The following CNTN5 variants were observed in gnomAD, a reference collection of about 807,000 sequenced individuals.
CNTN5 encodes contactin-5.
In CNTN5, 77 loss-of-function variants were observed where a neutral mutation model predicts 129.1. The ratio of observed to expected loss-of-function variants is 0.60; its 90% CI spans 0.50 to 0.72. The LOEUF (loss-of-function observed/expected upper bound fraction) is 0.72. CNTN5 is among the 30% of genes least tolerant of loss of function. The pLI, the probability that CNTN5 is intolerant of heterozygous loss-of-function variation, is 0.00. For synonymous variants in CNTN5, 509 were observed against 465.6 expected (o/e 1.09, Z -1.20); for missense variants, 1,478 against 1,328.8 (o/e 1.11, Z -1.75).
At chr11:99,796,841 C>T (rs939397116) in intron 3 of CNTN5, among the ~76,000 whole-genome samples, 7 of 152,052 alleles carry the variant, frequency 4.6e-5, no homozygotes, top group Non-Finnish European at 8.8e-5. Flanking sequence ...TTTTTTTCCC[C>T]TACTACATCT....
intron 23 of CNTN5, among the ~76,000 whole-genome samples, chr11:100,346,735 C>T (rs1340669238): frequency 6.6e-6 from 1 of 152,062 alleles, no homozygotes; most frequent in Non-Finnish European, 1.5e-5. Context: ...GGAAATCAGG[C>T]CCAAAGTTTA....
chr11:99,910,513 T>G (rs1949630793), intron 6 of CNTN5, among the ~76,000 whole-genome samples: 1 of 152,138 alleles, frequency 6.6e-6, no homozygotes, highest in South Asian at 2.1e-4. Context: ...TATTGAAGAT[T>G]ATTTTAAAAT....
At chr11:100,158,149 T>C (rs1310780293) in intron 13 of CNTN5, among the ~76,000 whole-genome samples, 1 of 151,772 alleles carries the variant, frequency 6.6e-6, no homozygotes, top group Non-Finnish European at 1.5e-5. Flanking sequence ...AAGAGAAAGA[T>C]GAGTTGTTTG....
chr11:99,237,871 G>A (rs967565322), intron 1 of CNTN5, among the ~76,000 whole-genome samples: 2 of 151,880 alleles, frequency 1.3e-5, no homozygotes, highest in African/African-American at 2.4e-5. Context: ...CTCATTATTG[G>A]TTACTATCTA....
chr11:99,535,083 C>T (rs1047162796), intron 2 of CNTN5, among the ~76,000 whole-genome samples: 1 of 152,086 alleles, frequency 6.6e-6, no homozygotes, highest in African/African-American at 2.4e-5. Context: ...ATAGTCTGCA[C>T]TAATGCTGAA....
intron 11 of CNTN5, among the ~76,000 whole-genome samples, chr11:100,071,050 T>C (rs1180303066): frequency 6.6e-6 from 1 of 152,154 alleles, no homozygotes; most frequent in African/African-American, 2.4e-5. Context: ...TTTAACAACA[T>C]TTAAAATTTA....
At chr11:99,845,368 T>TC in intron 6 of CNTN5, 106 bp downstream of exon 6, 1 of 337,030 alleles carries the variant, frequency 3.0e-6, no homozygotes, top group Non-Finnish European at 4.4e-6. Context: ...TCTCAAATCT[T>TC]TTTTTTTTTT....
At chr11:100,087,546 T>C (rs1211058218) in intron 13 of CNTN5, among the ~76,000 whole-genome samples, 7 of 151,814 alleles carry the variant, frequency 4.6e-5, no homozygotes, top group African/African-American at 1.7e-4. Flanking sequence ...GATGACATTA[T>C]ATAATGATAA....
At chr11:100,262,818 T>C (rs569760769) in intron 17 of CNTN5, among the ~76,000 whole-genome samples, 1 of 152,008 alleles carries the variant, frequency 6.6e-6, no homozygotes, top group Admixed American at 6.6e-5. Flanking sequence ...AGGAATAGCA[T>C]TAGGAGAAAT....
chr11:99,410,950 T>G (rs1001716235), intron 2 of CNTN5, among the ~76,000 whole-genome samples: 1 of 152,176 alleles, frequency 6.6e-6, no homozygotes, highest in African/African-American at 2.4e-5. Context: ...TATACAGTAA[T>G]AGAAAGCAAG....
intron 3 of CNTN5, among the ~76,000 whole-genome samples, chr11:99,648,959 G>A (rs1406747551): frequency 6.6e-6 from 1 of 151,724 alleles, no homozygotes; most frequent in Non-Finnish European, 1.5e-5. Flanking sequence ...CACAACTACA[G>A]CTAGATTGGA....
At chr11:99,995,780 A>T (rs532234386) in intron 8 of CNTN5, among the ~76,000 whole-genome samples, 1 of 152,224 alleles carries the variant, frequency 6.6e-6, no homozygotes, top group East Asian at 1.9e-4. Flanking sequence ...TCTAAAAATT[A>T]ATTTTAGGAG....
intron 9 of CNTN5, among the ~76,000 whole-genome samples, chr11:100,024,530 A>T (rs996926907): frequency 1.3e-5 from 2 of 152,198 alleles, no homozygotes; most frequent in Non-Finnish European, 2.9e-5. Context: ...TCAGGAGAAG[A>T]CAGGGAGATG....
intron 3 of CNTN5, among the ~76,000 whole-genome samples, chr11:99,724,362 T>C (rs910020481): frequency 7.9e-5 from 12 of 152,174 alleles, no homozygotes; most frequent in Admixed American, 6.5e-5. Flanking sequence ...TCTCAAGTTC[T>C]TCCAGACTCC....
chr11:99,092,994 A>T (rs12098884), intron 1 of CNTN5, among the ~76,000 whole-genome samples: 4,585 of 152,098 alleles, frequency 0.03, 80 homozygotes, highest in East Asian at 0.067. Flanking sequence ...TCCAATTTTC[A>T]TTGCTTATTT....
At chr11:100,106,753 T>C (rs1479297685) in intron 13 of CNTN5, among the ~76,000 whole-genome samples, 1 of 152,152 alleles carries the variant, frequency 6.6e-6, no homozygotes, top group Non-Finnish European at 1.5e-5. Context: ...CACTTTAAAT[T>C]GTTTCTGGGG....
At chr11:99,444,531 T>C (rs967002972) in intron 2 of CNTN5, among the ~76,000 whole-genome samples, 1 of 152,232 alleles carries the variant, frequency 6.6e-6, no homozygotes, top group African/African-American at 2.4e-5. Context: ...ATTTCTTCAA[T>C]GATTATCTAT....
intron 1 of CNTN5, among the ~76,000 whole-genome samples, chr11:99,099,618 C>A (rs1002884789): frequency 6.6e-6 from 1 of 151,792 alleles, no homozygotes; most frequent in South Asian, 2.1e-4. Flanking sequence ...ACATATTATA[C>A]AATCTGGTAT....
chr11:100,128,242 T>C (rs1030070904), intron 13 of CNTN5, among the ~76,000 whole-genome samples: 5 of 152,118 alleles, frequency 3.3e-5, no homozygotes, highest in Non-Finnish European at 5.9e-5. Context: ...CCCTCCTTTT[T>C]TCCTGTCTCA....
Sources: allele counts gnomAD v4.1 joint callset (sites outside exome capture counted in the v4.1 genomes callset), GRCh38; gene constraint gnomAD v4.1.1; transcripts MANE v1.5; gene names NCBI Gene and HGNC (gene_info 2026-07-23, HGNC 2026-07-21).